ANTXR1: variants seen among roughly 807,000 people sequenced by gnomAD.
ANTXR1 encodes the protein anthrax toxin receptor 1.
ANTXR1 carries 19 observed loss-of-function variants against 78.1 expected under a neutral mutation model. The observed-to-expected ratio is 0.24, with a 90% CI of 0.17 to 0.36. The LOEUF is 0.36. Among genes scored for constraint, ANTXR1 ranks in the 10% least tolerant of loss-of-function variants. The pLI is 1.00. For missense variants in ANTXR1, 518 were observed against 718.6 expected (o/e 0.72, Z 3.19); for synonymous variants, 273 against 260.5 (o/e 1.05, Z -0.46).
intron 1 of ANTXR1, among the ~76,000 whole-genome samples, chr2:69,016,292 A>G (rs74263532): frequency 0.012 from 1,777 of 152,322 alleles, 56 homozygotes; most frequent in East Asian, 0.11. Context: ...TGTGGCTACC[A>G]TACCGGATAG....
intron 17 of ANTXR1, among the ~76,000 whole-genome samples, chr2:69,212,647 C>A (rs1005805556): frequency 3.9e-5 from 6 of 152,150 alleles, no homozygotes; most frequent in African/African-American, 1.4e-4. Context: ...AATACAATAT[C>A]CAGTTAGTAC....
intron 10 of ANTXR1, among the ~76,000 whole-genome samples, chr2:69,107,089 G>A (rs1329593789): frequency 2.0e-5 from 3 of 151,980 alleles, no homozygotes; most frequent in Admixed American, 2.0e-4. Flanking sequence ...ATATATGAAC[G>A]AGAAGGGAAT....
At position 69,181,817 on chromosome 2, in the gene ANTXR1, A is replaced by G; in HGVS notation, c.1121A>G (p.Lys374Arg). The G allele has an allele frequency of 6.2e-7, 1 of 1,614,150 alleles. No individual in the cohort carries two copies. The highest frequency in any genetic ancestry group is 8.5e-7 in the Non-Finnish European group (1 of 1,180,000). Residue 374 changes from lysine (K) to arginine (R), a missense_variant, in exon 15 of 18, where the codon AAG becomes AGG. Physicochemically the swap from Lys to Arg is conservative, Grantham distance 26. Transcript: ENST00000303714. ...EEDDDGLPKK[K>R]WPTVDASYYG... is the part of the protein sequence containing the mutation. ...GATGATGATGGTCTGCCTAAGAAAA[A>G]GTGGCCAACGGTAGACGCCTCTTAT...
chr2:69,173,765 G>T (rs1391726348), intron 14 of ANTXR1, among the ~76,000 whole-genome samples: 2 of 152,162 alleles, frequency 1.3e-5, no homozygotes, highest in African/African-American at 4.8e-5. Context: ...ATGACTGAAT[G>T]GAAAGTGGGT....
chr2:69,225,757 T>G (rs1675431439), intron 17 of ANTXR1, among the ~76,000 whole-genome samples: 1 of 152,166 alleles, frequency 6.6e-6, no homozygotes, highest in Non-Finnish European at 1.5e-5. Context: ...ACAATGTAGT[T>G]CTTTAGCCTC....
intron 17 of ANTXR1, among the ~76,000 whole-genome samples, chr2:69,205,877 T>A (rs973397640): frequency 6.6e-6 from 1 of 152,222 alleles, no homozygotes; most frequent in Non-Finnish European, 1.5e-5. Context: ...ATTCATACTT[T>A]GTCATTGCCA....
intron 3 of ANTXR1, among the ~76,000 whole-genome samples, chr2:69,052,179 G>A (rs564242576): frequency 1.9e-4 from 29 of 151,954 alleles, no homozygotes; most frequent in African/African-American, 6.0e-4. Flanking sequence ...TAAGATTTAC[G>A]GATTTCATTG....
At chr2:69,133,923 G>T (rs1203253210) in intron 12 of ANTXR1, among the ~76,000 whole-genome samples, 1 of 152,170 alleles carries the variant, frequency 6.6e-6, no homozygotes, top group Non-Finnish European at 1.5e-5. Context: ...GCTGCTTACA[G>T]GGTGTATGAC....
rs757857906 is a variant in ANTXR1, at chr2:69,058,083, C to T, written c.297-12564C>T. The stretch of plus-strand genomic sequence containing the variant: ...AGTTTGGAGTTAGCAGATGTGGGCT[C>T]ATGAGGTTTAAGGAAAGACGCCATC... On this transcript the variant is annotated intron_variant, in intron 3 of 17. Coordinates refer to ENST00000303714, the MANE Select transcript of ANTXR1 (RefSeq NM_032208.3). Among the ~76,000 whole-genome samples, 30 of 152,120 alleles carry T rather than the reference C, an allele frequency of 2.0e-4. 1 individual carries two copies. The highest frequency in any genetic ancestry group is 3.9e-4 in the East Asian group (2 of 5,186).
chr2:69,211,619 A>T (rs1675046141), intron 17 of ANTXR1, among the ~76,000 whole-genome samples: 1 of 152,278 alleles, frequency 6.6e-6, no homozygotes. Context: ...GACTTCAAAG[A>T]TGCTTTAATA....
intron 9 of ANTXR1, among the ~76,000 whole-genome samples, chr2:69,102,514 T>C (rs1671655758): frequency 6.6e-6 from 1 of 152,238 alleles, no homozygotes; most frequent in Non-Finnish European, 1.5e-5. Context: ...TCACAGATTT[T>C]CAAACTGCCT....
At chr2:69,187,044 G>A (rs2104468733) in intron 16 of ANTXR1, among the ~76,000 whole-genome samples, 1 of 152,366 alleles carries the variant, frequency 6.6e-6, no homozygotes, top group South Asian at 2.1e-4. Context: ...AAAGGAGCCA[G>A]AATCGTGTAC....
intron 12 of ANTXR1, chr2:69,145,608 T>C (rs1373679816): frequency 1.5e-5 from 20 of 1,342,304 alleles, no homozygotes; most frequent in Non-Finnish European, 1.6e-5. Flanking sequence ...CTTTATTGGC[T>C]ACATAATCAC....
intron 12 of ANTXR1, among the ~76,000 whole-genome samples, chr2:69,132,908 A>G (rs75445182): frequency 0.055 from 8,450 of 152,342 alleles, 320 homozygotes; most frequent in Middle Eastern, 0.082. Context: ...AAGGCAGGAT[A>G]TATTACTTAA....
At chr2:69,025,655 C>A (rs143223441) in intron 1 of ANTXR1, among the ~76,000 whole-genome samples, 3 of 152,282 alleles carry the variant, frequency 2.0e-5, no homozygotes, top group East Asian at 1.9e-4. Flanking sequence ...AGACTCCTAA[C>A]TGTAACTTTA....
chr2:69,145,242 A>T, intron 12 of ANTXR1: 1 of 1,383,416 alleles, frequency 7.2e-7, no homozygotes, highest in Non-Finnish European at 1.0e-6. Flanking sequence ...CCTCACTTGC[A>T]TGGGTCCCTG....
intron 12 of ANTXR1, among the ~76,000 whole-genome samples, chr2:69,136,747 T>G (rs1672918619): frequency 6.6e-6 from 1 of 151,898 alleles, no homozygotes; most frequent in Non-Finnish European, 1.5e-5. Flanking sequence ...AGTAAACCCT[T>G]TCAAAAAAGA....
chr2:69,139,991 T>G (rs1673025824), intron 12 of ANTXR1, among the ~76,000 whole-genome samples: 2 of 152,334 alleles, frequency 1.3e-5, no homozygotes, highest in South Asian at 4.1e-4. Context: ...ACTAACAAGC[T>G]ACATCTTGTC....
chr2:69,040,108 T>C lies in ANTXR1; in HGVS notation c.217T>C (p.Phe73Leu). 6.2e-7 allele frequency: 1 copy of C among 1,613,088 alleles called. No individual in the cohort carries two copies. Among genetic ancestry groups the C allele is most frequent in the Non-Finnish European group, 8.5e-7 (1 of 1,179,232 alleles). The part of the protein sequence containing the change: ...YYFVEQLAHK[F>L]ISPQLRMSFI... ...CTTTGTGGAACAGTTGGCTCACAAA[T>C]TCATCAGGTGAGAAACACTATGCAT... Residue 73 changes from phenylalanine to leucine, a missense_variant, in exon 2 of 18, where the codon TTC becomes CTC. Phe to Leu is a conservative substitution (Grantham distance 22). Transcript: ENST00000303714.
Sources: allele counts gnomAD v4.1 joint callset (sites outside exome capture counted in the v4.1 genomes callset), GRCh38; gene constraint gnomAD v4.1.1; transcripts MANE v1.5; gene names NCBI Gene and HGNC (gene_info 2026-07-23, HGNC 2026-07-21).